FMN1: variants seen among roughly 807,000 people sequenced by gnomAD.
FMN1 encodes formin-1.
A neutral mutation model predicts 132.4 loss-of-function variants in FMN1; 110 were observed. The ratio of observed to expected loss-of-function variants is 0.83; its 90% CI spans 0.71 to 0.97. The LOEUF (loss-of-function observed/expected upper bound fraction) is 0.97, where lower values mean the gene tolerates loss of function less well. Among genes scored for constraint, FMN1 ranks in the 50% least tolerant of loss-of-function variants. The probability of loss-of-function intolerance (pLI) is 0.00; values close to 1 mark genes in which losing one functional copy is unlikely to be tolerated. For missense variants in FMN1, 1,792 were observed against 1,705.3 expected (o/e 1.05, Z -0.90); for synonymous variants, 722 against 651.7 (o/e 1.11, Z -1.64).
intron 7 of FMN1, among the ~76,000 whole-genome samples, chr15:32,988,436 T>C (rs1231426230): frequency 2.6e-5 from 4 of 152,184 alleles, no homozygotes; most frequent in African/African-American, 9.6e-5. Flanking sequence ...CATCTGAAGA[T>C]TCTGCTCTTA....
intron 6 of FMN1, among the ~76,000 whole-genome samples, chr15:33,055,595 C>T (rs2037179438): frequency 7.0e-6 from 1 of 143,006 alleles, no homozygotes; most frequent in African/African-American, 2.6e-5. Context: ...TTTGACTGTA[C>T]TTCAACTCAT....
intron 6 of FMN1, among the ~76,000 whole-genome samples, chr15:33,038,040 C>A (rs1365764234): frequency 6.6e-6 from 1 of 152,110 alleles, no homozygotes; most frequent in African/African-American, 2.4e-5. Context: ...CTGGCCAACA[C>A]GGTAAAACCC....
intron 4 of FMN1, among the ~76,000 whole-genome samples, chr15:33,097,248 G>A (rs1029512264): frequency 2.6e-5 from 4 of 151,352 alleles, no homozygotes; most frequent in Admixed American, 2.6e-4. Flanking sequence ...AGGCTGCAGT[G>A]AGCCAAGATC....
Position 32,901,977 on chromosome 15 carries a change from T to C in FMN1, c.3441A>G (p.Arg1147=). ...FAERAQCIIF[R]SVFSEGITSL... Reference sequence around the variant, plus strand: ...AGGTGATACCCTCAGAAAAGACAGATCTGAAGATTATGCACTGGGCACGTT... The same window carrying C: ...AGGTGATACCCTCAGAAAAGACAGACCTGAAGATTATGCACTGGGCACGTT... The change falls in exon 13 of 21, where the codon AGA becomes AGG. Residue 1147 remains arginine (R), a synonymous_variant. Coordinates refer to ENST00000616417, the MANE Select transcript of FMN1 (RefSeq NM_001277313.2). 1.9e-6 allele frequency: 3 copies of C among 1,613,514 alleles called. No individual in the cohort carries two copies. Among genetic ancestry groups the C allele is most frequent in the African/African-American group, 1.3e-5 (1 of 75,042 alleles).
chr15:33,013,989 A>G (rs754042618), intron 6 of FMN1, among the ~76,000 whole-genome samples: 110 of 151,694 alleles, frequency 7.3e-4, no homozygotes, highest in Non-Finnish European at 1.2e-3. Flanking sequence ...ACTACTGCAA[A>G]GCTAACATCT....
At chr15:33,058,649 A>C (rs993924875) in intron 6 of FMN1, among the ~76,000 whole-genome samples, 9 of 152,342 alleles carry the variant, frequency 5.9e-5, no homozygotes, top group Admixed American at 5.2e-4. Context: ...AGCGTGAAAC[A>C]ACCAAGTGAG....
At chr15:33,126,756 G>A (rs142832838) in intron 4 of FMN1, among the ~76,000 whole-genome samples, 2,571 of 151,944 alleles carry the variant, frequency 0.017, 41 homozygotes, top group Non-Finnish European at 0.027. Flanking sequence ...GGGAAAGGAG[G>A]GAAGACAGAT....
At chr15:33,107,076 C>T (rs1299831808) in intron 4 of FMN1, among the ~76,000 whole-genome samples, 4 of 152,158 alleles carry the variant, frequency 2.6e-5, no homozygotes, top group East Asian at 1.9e-4. Flanking sequence ...GTTCTTCCCC[C>T]AGTCTTTCCC....
chr15:33,065,038 G>C lies in FMN1; in HGVS notation c.2080C>G (p.Pro694Ala). Reference protein sequence around the residue: ...HSLTEQDDRTPGRLQAVWPPP... With the variant: ...HSLTEQDDRTAGRLQAVWPPP... ...GGCCAGACAGCTTGAAGTCTGCCAG[G>C]AGTCCTGTCATCCTGCTCAGTCAGG... The change falls in exon 6 of 21, where the codon CCT becomes GCT. Residue 694 changes from proline (P) to alanine (A), a missense_variant. By Grantham distance (27) the Pro-to-Ala change is conservative. Coordinates refer to ENST00000616417, the MANE Select transcript of FMN1 (RefSeq NM_001277313.2). The C allele has an allele frequency of 6.2e-7, 1 of 1,611,480 alleles. No individual in the cohort carries two copies. Among genetic ancestry groups the C allele is most frequent in the Non-Finnish European group, 8.5e-7 (1 of 1,178,768 alleles).
intron 10 of FMN1, among the ~76,000 whole-genome samples, chr15:32,922,809 A>C (rs901302868): frequency 6.6e-6 from 1 of 152,188 alleles, no homozygotes; most frequent in African/African-American, 2.4e-5. Flanking sequence ...TCCAAGAATC[A>C]CGTACTGTAT....
intron 7 of FMN1, among the ~76,000 whole-genome samples, chr15:32,998,221 C>CCTA (rs1378734871): frequency 1.3e-5 from 2 of 152,202 alleles, no homozygotes; most frequent in African/African-American, 4.8e-5. Flanking sequence ...CTGCAGCTTT[C>CCTA]CTAATGCTAC....
chr15:33,024,262 T>G (rs1271197534), intron 6 of FMN1, among the ~76,000 whole-genome samples: 1 of 105,914 alleles, frequency 9.4e-6, no homozygotes, highest in Non-Finnish European at 1.9e-5. Context: ...TTTTTTTTTT[T>G]GAGATGTGGA....
intron 3 of FMN1, among the ~76,000 whole-genome samples, chr15:33,161,378 C>G (rs913760211): frequency 2.0e-5 from 3 of 152,128 alleles, no homozygotes; most frequent in African/African-American, 7.2e-5. Flanking sequence ...CCCTGACTCC[C>G]TATCTCCTGG....
chr15:32,913,855 C>T (rs147550592), intron 10 of FMN1, among the ~76,000 whole-genome samples: 6 of 152,214 alleles, frequency 3.9e-5, no homozygotes, highest in South Asian at 2.1e-4. Context: ...TTATACCATA[C>T]GACTCCTGAA....
intron 4 of FMN1, among the ~76,000 whole-genome samples, chr15:33,119,511 C>T (rs1962349480): frequency 6.6e-6 from 1 of 152,160 alleles, no homozygotes; most frequent in South Asian, 2.1e-4. Flanking sequence ...GTCCACCGTC[C>T]GTACGCTCAG....
chr15:32,785,693 A>G (rs1595906093), intron 19 of FMN1, among the ~76,000 whole-genome samples: 1 of 152,134 alleles, frequency 6.6e-6, no homozygotes, highest in African/African-American at 2.4e-5. Flanking sequence ...TCAGGAGCAG[A>G]GGAATAAACT....
intron 15 of FMN1, among the ~76,000 whole-genome samples, chr15:32,892,294 TC>T (rs1567339148): frequency 6.6e-6 from 1 of 152,218 alleles, no homozygotes; most frequent in African/African-American, 2.4e-5. Context: ...GAATTCTTTT[TC>T]TGCATCTATT....
chr15:33,194,190 C>CG (rs1244586403), intron 1 of FMN1, 130 bp from the exon 2 acceptor site: 1 of 22,542 alleles, frequency 4.4e-5, no homozygotes, highest in African/African-American at 2.1e-4. Flanking sequence ...CATCCAGCTT[C>CG]AAAAAAAAAA....
intron 17 of FMN1, among the ~76,000 whole-genome samples, chr15:32,823,311 A>C (rs148275449): frequency 6.6e-6 from 1 of 151,540 alleles, no homozygotes. Context: ...ACAGGCACCC[A>C]CCACCATGCC....
Sources: allele counts gnomAD v4.1 joint callset (sites outside exome capture counted in the v4.1 genomes callset), GRCh38; gene constraint gnomAD v4.1.1; transcripts MANE v1.5; gene names NCBI Gene and HGNC (gene_info 2026-07-23, HGNC 2026-07-21).